ATP13A4: variants seen among roughly 807,000 people sequenced by gnomAD.
ATP13A4 encodes the protein ATPase 13A4.
Under a neutral mutation model 142.5 loss-of-function variants are expected in ATP13A4, and 114 were observed. The ratio of observed to expected loss-of-function variants is 0.80; its 90% CI spans 0.69 to 0.93. ATP13A4 has a LOEUF of 0.93. Among genes scored for constraint, ATP13A4 ranks in the 40% least tolerant of loss-of-function variants. ATP13A4 has a pLI of 0.00. For missense variants in ATP13A4, 1,392 were observed against 1,454.0 expected (o/e 0.96, Z 0.69); for synonymous variants, 488 against 514.8 (o/e 0.95, Z 0.70).
chr3:193,502,433 T>C, intron 3 of ATP13A4, 60 bp downstream of exon 3: 2 of 1,565,118 alleles, frequency 1.3e-6, no homozygotes, highest in Non-Finnish European at 1.8e-6. Flanking sequence ...TTTAACTATA[T>C]ACTTGAGGGG....
intron 1 of ATP13A4, among the ~76,000 whole-genome samples, chr3:193,538,023 T>C (rs754853135): frequency 2.0e-5 from 3 of 152,168 alleles, no homozygotes; most frequent in African/African-American, 7.2e-5. Context: ...ATGGAAACAT[T>C]CTGTGTCTTG....
intron 2 of ATP13A4, among the ~76,000 whole-genome samples, chr3:193,563,571 T>A (rs1006755771): frequency 2.6e-5 from 4 of 152,180 alleles, no homozygotes; most frequent in Non-Finnish European, 5.9e-5. Flanking sequence ...GCTGGGAGGA[T>A]TACTTGAGCT....
At chr3:193,464,516 T>C (rs903557409) in intron 12 of ATP13A4, among the ~76,000 whole-genome samples, 4 of 152,232 alleles carry the variant, frequency 2.6e-5, no homozygotes, top group Non-Finnish European at 5.9e-5. Context: ...CACAGTTTAA[T>C]AAACTCTTCC....
intron 1 of ATP13A4, among the ~76,000 whole-genome samples, chr3:193,544,020 G>A (rs907231305): frequency 3.9e-5 from 6 of 152,140 alleles, no homozygotes; most frequent in African/African-American, 1.4e-4. Context: ...AGACAGACTG[G>A]GGGCAGAGGA....
intron 1 of ATP13A4, among the ~76,000 whole-genome samples, chr3:193,543,906 G>A (rs1023980813): frequency 6.6e-5 from 10 of 152,160 alleles, no homozygotes; most frequent in Admixed American, 5.2e-4. Flanking sequence ...TCCAAGTTTG[G>A]ACTACAGCAT....
At chr3:193,571,641 C>T (rs1437177418) in intron 2 of ATP13A4, among the ~76,000 whole-genome samples, 2 of 152,292 alleles carry the variant, frequency 1.3e-5, no homozygotes, top group East Asian at 1.9e-4. Context: ...CCTACAACTC[C>T]TGTCTATCCA....
At chr3:193,535,158 G>A (rs1455273929) in intron 1 of ATP13A4, among the ~76,000 whole-genome samples, 1 of 152,114 alleles carries the variant, frequency 6.6e-6, no homozygotes, top group East Asian at 1.9e-4. Context: ...TATAGAAGAT[G>A]TAAAGAACAT....
intron 23 of ATP13A4, among the ~76,000 whole-genome samples, chr3:193,438,199 G>C (rs1012213417): frequency 1.3e-5 from 2 of 152,150 alleles, no homozygotes; most frequent in Non-Finnish European, 2.9e-5. Context: ...GAAAAATGGG[G>C]ATGATTGACA....
At chr3:193,408,331 G>A (rs1714604456) in intron 28 of ATP13A4, among the ~76,000 whole-genome samples, 1 of 152,098 alleles carries the variant, frequency 6.6e-6, no homozygotes, top group African/African-American at 2.4e-5. Context: ...ATAAAAACTT[G>A]GAAACATCTT....
chr3:193,460,033 G>A (rs890500557), intron 13 of ATP13A4, among the ~76,000 whole-genome samples: 10 of 152,152 alleles, frequency 6.6e-5, no homozygotes, highest in African/African-American at 2.2e-4. Flanking sequence ...ACCCTATTAG[G>A]AGGACGTTTG....
chr3:193,474,541 G>C (rs1042750597), intron 8 of ATP13A4, among the ~76,000 whole-genome samples: 8 of 146,808 alleles, frequency 5.4e-5, no homozygotes, highest in African/African-American at 2.0e-4. Context: ...TCAAGACAGA[G>C]AGAGAGAGAG....
chr3:193,484,332 A>AATAAATAT (rs1719482478), intron 7 of ATP13A4, among the ~76,000 whole-genome samples: 1 of 151,070 alleles, frequency 6.6e-6, no homozygotes, highest in African/African-American at 2.4e-5. Flanking sequence ...TAAATAAATA[A>AATAAATAT]ATAAATAAAT....
chr3:193,432,097 AT>A (rs922282832), intron 25 of ATP13A4, among the ~76,000 whole-genome samples: 17 of 133,792 alleles, frequency 1.3e-4, no homozygotes, highest in Non-Finnish European at 2.0e-4. Context: ...ATATGCCATC[AT>A]TGGGAATGAT....
At chr3:193,437,134 A>T (rs1301660560) in intron 23 of ATP13A4, among the ~76,000 whole-genome samples, 1 of 151,326 alleles carries the variant, frequency 6.6e-6, no homozygotes, top group Non-Finnish European at 1.5e-5. Context: ...CTGATCCTCA[A>T]ACCAGGTTTT....
At chr3:193,523,558 G>A (rs1029843692) in intron 1 of ATP13A4, among the ~76,000 whole-genome samples, 5 of 152,164 alleles carry the variant, frequency 3.3e-5, no homozygotes, top group African/African-American at 9.7e-5. Context: ...GATGGTATTC[G>A]CAGAGCTTCA....
intron 3 of ATP13A4, among the ~76,000 whole-genome samples, chr3:193,498,842 T>G (rs1720384873): frequency 6.6e-6 from 1 of 152,234 alleles, no homozygotes; most frequent in African/African-American, 2.4e-5. Flanking sequence ...TCTCTAGGTA[T>G]TCTATGTGCA....
chr3:193,439,190 G>A (rs1442141374), intron 21 of ATP13A4, 125 bp from the exon 22 acceptor site: 4 of 1,033,036 alleles, frequency 3.9e-6, no homozygotes, highest in Non-Finnish European at 6.0e-6. Context: ...ATTTTCCTAA[G>A]AGTCTAGTTT....
chr3:193,492,924 C>T lies in ATP13A4; in HGVS notation c.526G>A (p.Glu176Lys). 1 of 1,605,578 alleles carries T rather than the reference C, an allele frequency of 6.2e-7. No individual in the cohort carries two copies. Among genetic ancestry groups the T allele is most frequent in the Non-Finnish European group, 8.5e-7 (1 of 1,173,284 alleles). ...CAATAATATGCATGGTACCTAATCT[C>T]CTGTTCTTCTCTTGTCAAGCCTGAT... ...FGSGLTREEQ[E>K]IRRLICGPNT... Residue 176 changes from glutamate (E) to lysine (K), a missense_variant, in exon 5 of 30, where the codon GAG (glutamate) becomes AAG (lysine). Transcript: ENST00000342695.
At chr3:193,410,781 T>C (rs993442695) in intron 28 of ATP13A4, among the ~76,000 whole-genome samples, 1 of 152,186 alleles carries the variant, frequency 6.6e-6, no homozygotes, top group African/African-American at 2.4e-5. Context: ...TTTAATCTCA[T>C]GAAATCAAAA....
Sources: gnomAD v4.1 joint callset for allele counts (sites outside exome capture counted in the v4.1 genomes callset) on GRCh38, gnomAD v4.1.1 for gene constraint, MANE v1.5 for transcripts, NCBI Gene and HGNC (gene_info 2026-07-23, HGNC 2026-07-21) for gene names.